Variants in AKAP9 observed in about 807,000 individuals in gnomAD.
AKAP9 encodes the protein A-kinase anchor protein 9.
A neutral mutation model predicts 488.5 loss-of-function variants in AKAP9; 311 were observed. The observed-to-expected ratio is 0.64, with a 90% CI of 0.58 to 0.70. The LOEUF is 0.70. Among genes scored for constraint, AKAP9 ranks in the 30% least tolerant of loss-of-function variants. AKAP9 has a pLI of 0.00. For missense variants in AKAP9, 4,215 were observed against 4,374.5 expected (o/e 0.96, Z 1.03); for synonymous variants, 1,462 against 1,483.5 (o/e 0.99, Z 0.33).
At chr7:92,068,442 T>G (rs1443027251) in intron 26 of AKAP9, among the ~76,000 whole-genome samples, 1 of 152,018 alleles carries the variant, frequency 6.6e-6, no homozygotes, top group African/African-American at 2.4e-5. Flanking sequence ...AAACATATTT[T>G]TGGCTTTTAA....
At chr7:92,027,235 C>T (rs1803385443) in intron 14 of AKAP9, among the ~76,000 whole-genome samples, 1 of 146,546 alleles carries the variant, frequency 6.8e-6, no homozygotes, top group East Asian at 2.1e-4. Context: ...AGCGCCTCTG[C>T]CCGGCTGCCC....
At chr7:92,034,775 A>C (rs954062552) in intron 16 of AKAP9, among the ~76,000 whole-genome samples, 2 of 151,782 alleles carry the variant, frequency 1.3e-5, no homozygotes, top group African/African-American at 4.8e-5. Flanking sequence ...CTGGGATTAC[A>C]GGTGTTAGCC....
chr7:92,060,788 G>A (rs1321444030), intron 22 of AKAP9, among the ~76,000 whole-genome samples: 2 of 152,066 alleles, frequency 1.3e-5, no homozygotes, highest in African/African-American at 4.8e-5. Flanking sequence ...GTTAATTGAT[G>A]CCATTGTATT....
chr7:92,081,306 AT>A (rs765798858), intron 31 of AKAP9, among the ~76,000 whole-genome samples: 65 of 145,226 alleles, frequency 4.5e-4, no homozygotes, highest in South Asian at 6.5e-4. Flanking sequence ...ATATTTTACA[AT>A]TTTTTTTTTT....
Position 92,002,368 on chromosome 7 carries a change from G to T in AKAP9, c.2451G>T (p.Val817=), listed in dbSNP as rs930495191. The T allele has an allele frequency of 1.2e-6, 2 of 1,611,822 alleles. No homozygotes were observed. The highest frequency in any genetic ancestry group is 2.7e-5 in the African/African-American group (2 of 74,786). Residue 817 remains valine (V), a synonymous_variant, in exon 8 of 50, where the codon GTG becomes GTT. Coordinates refer to ENST00000356239, the MANE Select transcript of AKAP9 (RefSeq NM_005751.5). ...TTAAGTCCAAATCCAAAGACTCTGT[G>T]TGGGAAAAAGAAATAGAAATACTTA... ...DSIKSKSKDS[V]WEKEIEILIE...
chr7:92,015,133 C>CA (rs1562984105), intron 10 of AKAP9, among the ~76,000 whole-genome samples: 1 of 151,994 alleles, frequency 6.6e-6, no homozygotes, highest in East Asian at 1.9e-4. Flanking sequence ...GAAGAAATAG[C>CA]AATAAACAAT....
intron 26 of AKAP9, among the ~76,000 whole-genome samples, chr7:92,067,190 C>T (rs1259004552): frequency 1.3e-5 from 2 of 152,178 alleles, no homozygotes; most frequent in Non-Finnish European, 2.9e-5. Flanking sequence ...TATTTATAGC[C>T]TCTTCCCAGG....
chr7:92,026,357 C>G (rs949947306), intron 14 of AKAP9, among the ~76,000 whole-genome samples: 1 of 152,134 alleles, frequency 6.6e-6, no homozygotes, highest in Non-Finnish European at 1.5e-5. Flanking sequence ...TCTCTCTTTC[C>G]ACGGTCTCCC....
At chr7:92,082,486 A>C in intron 31 of AKAP9, 36 bp from the exon 32 acceptor site, 2 of 1,604,378 alleles carry the variant, frequency 1.2e-6, no homozygotes, top group Non-Finnish European at 1.7e-6. Context: ...TATTTTTTTT[A>C]AATTATGTGT....
chr7:92,050,347 G>A (rs899798881), intron 21 of AKAP9, among the ~76,000 whole-genome samples: 36 of 151,542 alleles, frequency 2.4e-4, no homozygotes, highest in Admixed American at 1.6e-3. Flanking sequence ...CACCTGCCTC[G>A]GCCTCCCAAA....
At chr7:92,032,507 A>G (rs1334826236) in intron 16 of AKAP9, among the ~76,000 whole-genome samples, 1 of 152,090 alleles carries the variant, frequency 6.6e-6, no homozygotes, top group African/African-American at 2.4e-5. Flanking sequence ...AAAAAAAAAA[A>G]AAAAAAGATA....
Position 92,100,863 on chromosome 7 carries a change from G to A in AKAP9, c.10904G>A (p.Arg3635Lys), listed in dbSNP as rs1475038289. The change falls in exon 45 of 50, where the codon AGG (arginine) becomes AAG (lysine). Residue 3635 changes from arginine (R) to lysine (K), a missense_variant. Around this residue, in one of 5 missense-constraint regions of AKAP9, gnomAD observed 74 missense variants for 113.0 expected, o/e 0.65. Coordinates refer to ENST00000356239, the MANE Select transcript of AKAP9 (RefSeq NM_005751.5). ...QTGAGRDNSS[R>K]FSLNGGANIE... The stretch of plus-strand genomic sequence containing the variant: ...AGGCTGTGGTCTTTGCAGTCTTCCA[G>A]GTTTTCATTGAATGGTGGTGCCAAC... 2.5e-6 allele frequency: 4 copies of A among 1,614,004 alleles called. No homozygotes were observed. Among genetic ancestry groups the A allele is most frequent in the Non-Finnish European group, 3.4e-6 (4 of 1,180,026 alleles).
Position 92,003,176 on chromosome 7 carries a change from A to G in AKAP9, c.3259A>G (p.Thr1087Ala), listed in dbSNP as rs1431845082. 2.5e-6 allele frequency: 4 copies of G among 1,611,676 alleles called. No individual in the cohort carries two copies. The highest frequency in any genetic ancestry group is 3.4e-6 in the Non-Finnish European group (4 of 1,178,732). The change falls in exon 8 of 50, where the codon ACT becomes GCT. Residue 1087 changes from threonine to alanine, a missense_variant. Thr to Ala is a moderately conservative substitution (Grantham distance 58, BLOSUM62 0). This residue lies in a region of AKAP9 where 2,361 missense variants were observed against 2,430.0 expected (regional missense o/e 0.97). Coordinates refer to ENST00000356239, the MANE Select transcript of AKAP9 (RefSeq NM_005751.5). ...SVTKESSLRA[T>A]QPSENDKLQK... is the part of the protein sequence containing the mutation. Reference sequence around the variant, plus strand: ...AACAAAGGAATCATCACTTAGAGCAACTCAACCAAGTGAAAATGATAAACT... The same window carrying G: ...AACAAAGGAATCATCACTTAGAGCAGCTCAACCAAGTGAAAATGATAAACT...
chr7:91,968,337 T>C (rs1794666717), intron 1 of AKAP9, among the ~76,000 whole-genome samples: 1 of 152,200 alleles, frequency 6.6e-6, no homozygotes, highest in African/African-American at 2.4e-5. Context: ...GTTCTATGTG[T>C]CCAGGAATTT....
intron 7 of AKAP9, among the ~76,000 whole-genome samples, chr7:91,999,047 A>G (rs1339648920): frequency 6.6e-6 from 1 of 152,202 alleles, no homozygotes; most frequent in African/African-American, 2.4e-5. Context: ...CCAAGGCACA[A>G]GCTGATAGAA....
chr7:91,953,706 G>T (rs911558920), intron 1 of AKAP9, among the ~76,000 whole-genome samples: 1 of 152,108 alleles, frequency 6.6e-6, no homozygotes, highest in Non-Finnish European at 1.5e-5. Flanking sequence ...ATAATGAGGA[G>T]CCACATATGA....
chr7:92,102,331 ATAT>A (rs982173595), intron 45 of AKAP9, among the ~76,000 whole-genome samples: 291 of 151,536 alleles, frequency 1.9e-3, no homozygotes, highest in African/African-American at 6.6e-3. Context: ...CCTAACTATA[ATAT>A]TAGTATTCAG....
chr7:92,080,489 T>C (rs1316745218), intron 31 of AKAP9, among the ~76,000 whole-genome samples: 2 of 151,672 alleles, frequency 1.3e-5, no homozygotes, highest in African/African-American at 4.8e-5. Flanking sequence ...TCCCAGCTAC[T>C]CGGGAGGCTG....
rs745708169 is a variant in AKAP9, at chr7:92,052,813, C to G, written c.5456C>G (p.Thr1819Arg). 1.9e-6 allele frequency: 3 copies of G among 1,613,742 alleles called. No individual in the cohort carries two copies. In the Admixed American group the frequency reaches 5.0e-5, roughly 27 times the overall value. Residue 1819 changes from threonine (T) to arginine (R), a missense_variant, in exon 22 of 50, where the codon ACA becomes AGA. By Grantham distance (71) the Thr-to-Arg change is moderately conservative. Around this residue, in one of 5 missense-constraint regions of AKAP9, gnomAD observed 2,361 missense variants for 2,430.0 expected, o/e 0.97. Transcript: ENST00000356239. The stretch of plus-strand genomic sequence containing the variant: ...TGGTCAAAAGTAACTGAGGAAGGAA[C>G]AGAGCTGTCACAACGACTTGTGAGG... ...NMWSKVTEEG[T>R]ELSQRLVRSG...
Sources: allele counts gnomAD v4.1 joint callset (sites outside exome capture counted in the v4.1 genomes callset), GRCh38; gene constraint gnomAD v4.1.1; regional missense constraint gnomAD v4.1.1; transcripts MANE v1.5; gene names NCBI Gene and HGNC (gene_info 2026-07-23, HGNC 2026-07-21).